The following PIK3C2B variants were observed in gnomAD, a reference collection of about 807,000 sequenced individuals.
PIK3C2B encodes phosphatidylinositol-4-phosphate 3-kinase catalytic subunit type 2 beta.
In PIK3C2B, 83 loss-of-function variants were observed where a neutral mutation model predicts 184.3. That is an observed-to-expected ratio of 0.45 (90% CI 0.38 to 0.54). The LOEUF is 0.54. Ranked by LOEUF, PIK3C2B falls within the 20% of genes least tolerant of loss-of-function variation. The probability of loss-of-function intolerance (pLI) is 0.00; values close to 1 mark genes in which losing one functional copy is unlikely to be tolerated. For synonymous variants in PIK3C2B, 779 were observed against 837.6 expected (o/e 0.93, Z 1.21); for missense variants, 1,736 against 2,113.5 (o/e 0.82, Z 3.50).
At chr1:204,461,338 G>T (rs1655320497) in intron 5 of PIK3C2B, among the ~76,000 whole-genome samples, 1 of 152,200 alleles carries the variant, frequency 6.6e-6, no homozygotes, top group Admixed American at 6.5e-5. Flanking sequence ...CAGAGAGAAG[G>T]CCTAGGAGCC....
intron 23 of PIK3C2B, among the ~76,000 whole-genome samples, chr1:204,437,507 A>AACG (rs1195461368): frequency 9.2e-5 from 14 of 151,632 alleles, no homozygotes; most frequent in Admixed American, 7.2e-4. Context: ...AAACAACAAC[A>AACG]ACAACAACAA....
chr1:204,454,642 GCACT>G (rs1558254258), intron 12 of PIK3C2B, 23 bp downstream of exon 12: 3 of 1,610,784 alleles, frequency 1.9e-6, no homozygotes, highest in Non-Finnish European at 2.5e-6. Context: ...AGTGGCCTGG[GCACT>G]GAAGCCTGGG....
At chr1:204,443,988 T>C (rs1171451145) in intron 18 of PIK3C2B, 80 bp downstream of exon 18, 1 of 987,454 alleles carries the variant, frequency 1.0e-6, no homozygotes, top group Non-Finnish European at 1.6e-6. Context: ...CTCAGTTCCT[T>C]GCCCTTGCGT....
At chr1:204,458,568 A>G (rs1009542207) in intron 8 of PIK3C2B, among the ~76,000 whole-genome samples, 7 of 149,174 alleles carry the variant, frequency 4.7e-5, no homozygotes, top group Non-Finnish European at 1.0e-4. Context: ...ATCTCGGCTC[A>G]CTGCAACCTC....
intron 28 of PIK3C2B, among the ~76,000 whole-genome samples, 198 bp from the exon 29 acceptor site, chr1:204,430,236 T>C (rs1265838412): frequency 6.6e-6 from 1 of 152,096 alleles, no homozygotes; most frequent in Non-Finnish European, 1.5e-5. Context: ...GCTCAGCATC[T>C]CATGACTACA....
intron 1 of PIK3C2B, among the ~76,000 whole-genome samples, chr1:204,477,114 C>G (rs145512305): frequency 1.4e-4 from 22 of 152,300 alleles, no homozygotes; most frequent in Non-Finnish European, 2.9e-4. Flanking sequence ...ATGCCATGAG[C>G]ACACCCACAA....
rs182869963 is a variant in PIK3C2B, at chr1:204,485,129, G to T, written c.-85+9227C>A. Reference sequence around the variant, plus strand: ...AGTGGTGTGATCACGGATCACTGCAGCCTTGACCTCCCAGTCTCAAGCAAT... The same window carrying T: ...AGTGGTGTGATCACGGATCACTGCATCCTTGACCTCCCAGTCTCAAGCAAT... On this transcript the variant is annotated intron_variant, in intron 1 of 32. Transcript: ENST00000684373. 3.4e-3 allele frequency among the ~76,000 whole-genome samples: 516 copies of T among 151,374 alleles called. 1 individual carries two copies. The highest frequency in any genetic ancestry group is 5.4e-3 in the Non-Finnish European group (368 of 67,870).
At chr1:204,479,957 A>T (rs1340296427) in intron 1 of PIK3C2B, among the ~76,000 whole-genome samples, 1 of 152,224 alleles carries the variant, frequency 6.6e-6, no homozygotes, top group Non-Finnish European at 1.5e-5. Context: ...AGGGCTCATC[A>T]GAGAGAGGAC....
At position 204,440,212 on chromosome 1, in the gene PIK3C2B, A is replaced by G. The variant is rs147511381; in HGVS notation, c.3359T>C (p.Phe1120Ser). The change falls in exon 22 of 33, where the codon TTC becomes TCC. Residue 1120 changes from phenylalanine to serine, a missense_variant. Phe to Ser is a radical substitution (Grantham distance 155). Around this residue, in one of 8 missense-constraint regions of PIK3C2B, gnomAD observed 289 missense variants for 380.4 expected, o/e 0.76. Coordinates refer to ENST00000684373, the MANE Select transcript of PIK3C2B (RefSeq NM_001377334.1). ...CTGACCTCTGCCCCGGCCGGTGGAG[A>G]AGCAGCGGAAGATGACCATGCGCAT... ...LDMRMVIFRC[F>S]STGRGRGMVE... The G allele has an allele frequency of 2.0e-5, 33 of 1,612,458 alleles. No homozygotes were observed. The highest frequency in any genetic ancestry group is 1.0e-4 in the Admixed American group (6 of 59,938).
intron 11 of PIK3C2B, among the ~76,000 whole-genome samples, 163 bp downstream of exon 11, chr1:204,455,693 C>T (rs961647929): frequency 3.3e-5 from 5 of 152,196 alleles, no homozygotes; most frequent in African/African-American, 1.2e-4. Context: ...CCCAAGTCCT[C>T]CTCAGGCACT....
chr1:204,431,234 G>T, intron 28 of PIK3C2B: 1 of 244,268 alleles, frequency 4.1e-6, no homozygotes, highest in Non-Finnish European at 8.1e-6. Flanking sequence ...GTGGAATCGT[G>T]CCGTTTTTGT....
chr1:204,435,351 T>C (rs1675285588), intron 23 of PIK3C2B: 1 of 152,122 alleles, frequency 6.6e-6, no homozygotes, highest in Admixed American at 6.5e-5. Context: ...AAAAACTACA[T>C]GGAATGAGGA....
rs747818717 is a variant in PIK3C2B, at chr1:204,464,457, G to A, written c.1182C>T (p.Thr394=). 8.1e-6 allele frequency: 13 copies of A among 1,613,508 alleles called. No homozygotes were observed. Among genetic ancestry groups the A allele is most frequent in the Non-Finnish European group, 1.0e-5 (12 of 1,179,616 alleles). The change falls in exon 4 of 33, where the codon ACC becomes ACT. Residue 394 remains threonine (T), a synonymous_variant. Coordinates refer to ENST00000684373, the MANE Select transcript of PIK3C2B (RefSeq NM_001377334.1). The part of the protein sequence containing the change: ...CDRLQEALTF[T]CNCSSTVDLL... The stretch of plus-strand genomic sequence containing the variant: ...CCCCCCTCACTAACTTACAGTTGCA[G>A]GTGAAAGTGAGTGCCTCTTGAAGCC...
rs988444751 is a variant in PIK3C2B at position 204,447,353 on chromosome 1, C to T, written c.2489+83G>A. On this transcript the variant is annotated intron_variant, in intron 15 of 32. Transcript: ENST00000684373. The surrounding 1 kb of genome is among the most constrained non-coding windows in gnomAD (Gnocchi z 4.1). ...TGGCAATGCCCACCCCTTCCCACCT[C>T]CACTCCCAAAGCAGGAGGACGGAGA... 1.9e-5 allele frequency: 27 copies of T among 1,388,774 alleles called. No individual in the cohort carries two copies. The highest frequency in any genetic ancestry group is 2.0e-5 in the Non-Finnish European group (20 of 999,120). 86.0% of individuals were successfully genotyped at this position (1,388,774 alleles called of 1,614,324 possible).
chr1:204,429,027 C>A, intron 29 of PIK3C2B: 2 of 376,606 alleles, frequency 5.3e-6, no homozygotes, highest in South Asian at 3.7e-5. Flanking sequence ...AGTCTGAGAC[C>A]AGCCTGGTGA....
chr1:204,464,668 T>C (rs1655610189), intron 3 of PIK3C2B, 64 bp from the exon 4 acceptor site: 3 of 1,496,042 alleles, frequency 2.0e-6, no homozygotes, highest in Admixed American at 1.9e-5. Context: ...AAGACATCTG[T>C]TGGGAACCTC....
At position 204,457,806 on chromosome 1, in the gene PIK3C2B, G is replaced by A. The variant is rs367552187; in HGVS notation, c.1635C>T (p.Ala545=). The stretch of plus-strand genomic sequence containing the variant: ...CACTGGTGATCTCAGGGGTTTCCAC[G>A]GCGGCCAGGGCGTTGCAGATGGCCT... ...SVKAICNALA[A]VETPEITSAL... is the part of the protein sequence containing the mutation. Residue 545 remains alanine, a synonymous_variant, in exon 9 of 33, where the codon GCC becomes GCT. Coordinates refer to ENST00000684373, the MANE Select transcript of PIK3C2B (RefSeq NM_001377334.1). The A allele has an allele frequency of 5.1e-5, 82 of 1,612,846 alleles. No individual in the cohort carries two copies. The highest frequency in any genetic ancestry group is 2.7e-4 in the Admixed American group (16 of 59,834).
At chr1:204,487,860 G>A (rs949786999) in intron 1 of PIK3C2B, among the ~76,000 whole-genome samples, 10 of 152,112 alleles carry the variant, frequency 6.6e-5, no homozygotes, top group Admixed American at 5.9e-4. Context: ...TTGGGTGGGA[G>A]GGGGGTGCAA....
At chr1:204,485,478 C>G (rs999319316) in intron 1 of PIK3C2B, among the ~76,000 whole-genome samples, 1 of 152,212 alleles carries the variant, frequency 6.6e-6, no homozygotes, top group Non-Finnish European at 1.5e-5. Context: ...TTGAAACAGA[C>G]CACTAACTAG....
Sources: allele counts gnomAD v4.1 joint callset (sites outside exome capture counted in the v4.1 genomes callset), GRCh38; gene constraint gnomAD v4.1.1; regional missense constraint gnomAD v4.1.1; non-coding constraint Gnocchi (gnomAD v3.1); transcripts MANE v1.5; gene names NCBI Gene and HGNC (gene_info 2026-07-23, HGNC 2026-07-21).